The following LPP variants were observed in gnomAD, a reference collection of about 807,000 sequenced individuals.
LPP encodes LIM domain containing preferred translocation partner in lipoma.
A neutral mutation model predicts 60.4 loss-of-function variants in LPP; 38 were observed. The ratio of observed to expected loss-of-function variants is 0.63; its 90% CI spans 0.49 to 0.83. LPP has a LOEUF of 0.83. Ranked by LOEUF, LPP falls within the 40% of genes least tolerant of loss-of-function variation. The pLI is 0.00. For missense variants in LPP, 902 were observed against 783.6 expected, an observed-to-expected ratio of 1.15 and a Z score of -1.80; for synonymous variants, 328 against 290.8, an observed-to-expected ratio of 1.13 and a Z score of -1.30.
intron 5 of LPP, among the ~76,000 whole-genome samples, chr3:188,506,030 A>G (rs948641518): frequency 6.6e-6 from 1 of 151,946 alleles, no homozygotes; most frequent in Admixed American, 6.6e-5. Flanking sequence ...TGCCAAGCCA[A>G]TTTTTCTTGT....
At position 188,225,830 on chromosome 3, in the gene LPP, T is replaced by C. The variant is rs6794415; in HGVS notation, c.-67+303T>C. Among the ~76,000 whole-genome samples, 666 of 152,274 alleles carry C rather than the reference T, an allele frequency of 4.4e-3. 7 individuals carry two copies. The highest frequency in any genetic ancestry group is 0.015 in the African/African-American group (630 of 41,556). On this transcript the variant is annotated intron_variant, in intron 2 of 11. Transcript: ENST00000617246. ...AACGATGATTTCAGGTTGCCAGCAA[T>C]TGTATTGCCTCCTTCTTTCTCATTT...
intron 1 of LPP, among the ~76,000 whole-genome samples, chr3:188,163,962 A>AG (rs1401391564): frequency 2.6e-5 from 4 of 151,930 alleles, no homozygotes; most frequent in African/African-American, 9.7e-5. Context: ...AAAAAAAAAA[A>AG]AAAAAGTCTG....
chr3:188,291,390 A>G (rs1343888655), intron 2 of LPP, among the ~76,000 whole-genome samples: 2 of 152,182 alleles, frequency 1.3e-5, no homozygotes, highest in Admixed American at 6.5e-5. Context: ...CTGTAATCCC[A>G]GCACTTTGGC....
At chr3:188,805,595 A>T (rs1050298106) in intron 9 of LPP, among the ~76,000 whole-genome samples, 6 of 151,400 alleles carry the variant, frequency 4.0e-5, no homozygotes, top group Admixed American at 1.3e-4. Flanking sequence ...GCTCTCAATT[A>T]TATTGACTTC....
chr3:188,758,375 G>A (rs1474479538), intron 8 of LPP, among the ~76,000 whole-genome samples: 1 of 152,058 alleles, frequency 6.6e-6, no homozygotes, highest in African/African-American at 2.4e-5. Context: ...TGACCAGGCT[G>A]GTCTTGAACT....
At chr3:188,179,345 T>C (rs771792395) in intron 1 of LPP, 5 of 458,206 alleles carry the variant, frequency 1.1e-5, no homozygotes, top group South Asian at 7.7e-5. Context: ...TGCGGCCTCC[T>C]CCTAGGCCCC....
intron 9 of LPP, among the ~76,000 whole-genome samples, chr3:188,862,712 C>CAAAAAAAAAAAAAAAAAAAAAAAAAAAAA (rs140751676): frequency 1.3e-4 from 7 of 55,696 alleles, no homozygotes; most frequent in Non-Finnish European, 1.4e-4. Flanking sequence ...CCCTACTAGA[C>CAAAAAAAAAAAAAAAAAAAAAAAAAAAAA]AAAAAAATAA....
chr3:188,220,971 G>A (rs1295864236), intron 1 of LPP, among the ~76,000 whole-genome samples: 1 of 152,144 alleles, frequency 6.6e-6, no homozygotes, highest in Non-Finnish European at 1.5e-5. Flanking sequence ...TTCTTAAAGG[G>A]ATAGGGCTAC....
At chr3:188,357,529 A>G (rs931114978) in intron 3 of LPP, among the ~76,000 whole-genome samples, 8 of 152,192 alleles carry the variant, frequency 5.3e-5, no homozygotes, top group Non-Finnish European at 1.5e-5. Flanking sequence ...TTTAAGTCAC[A>G]TGTCAGCCAC....
intron 9 of LPP, among the ~76,000 whole-genome samples, chr3:188,844,324 T>C (rs1315708689): frequency 2.6e-5 from 4 of 152,202 alleles, no homozygotes; most frequent in Non-Finnish European, 5.9e-5. Context: ...GCAATGTCTG[T>C]TTTACTTTAG....
intron 6 of LPP, among the ~76,000 whole-genome samples, chr3:188,578,156 G>T: frequency 6.6e-6 from 1 of 152,160 alleles, no homozygotes; most frequent in African/African-American, 2.4e-5. Flanking sequence ...AAGAGAGAGA[G>T]CATTTACACA....
At chr3:188,814,269 A>T (rs1751880109) in intron 9 of LPP, among the ~76,000 whole-genome samples, 1 of 152,166 alleles carries the variant, frequency 6.6e-6, no homozygotes, top group Non-Finnish European at 1.5e-5. Context: ...ATACACTAAG[A>T]CAGTATGCAT....
At chr3:188,403,975 G>A (rs185826988) in intron 3 of LPP, among the ~76,000 whole-genome samples, 86 of 152,256 alleles carry the variant, frequency 5.6e-4, no homozygotes, top group African/African-American at 1.9e-3. Context: ...AGAGTGAAAA[G>A]CCAGTACCAT....
At chr3:188,657,243 A>C (rs1853418066) in intron 7 of LPP, among the ~76,000 whole-genome samples, 2 of 41,696 alleles carry the variant, frequency 4.8e-5, no homozygotes, top group South Asian at 1.1e-3. Flanking sequence ...ATAAGTTTTC[A>C]AGAGCTGTCA....
At chr3:188,586,141 T>A (rs571542450) in intron 6 of LPP, among the ~76,000 whole-genome samples, 96 of 152,326 alleles carry the variant, frequency 6.3e-4, no homozygotes, top group African/African-American at 2.3e-3. Context: ...AGGAAAAAAA[T>A]ATTCTTTTGT....
chr3:188,723,374 G>A (rs144523539), intron 8 of LPP, among the ~76,000 whole-genome samples: 9 of 152,244 alleles, frequency 5.9e-5, no homozygotes, highest in South Asian at 4.1e-4. Flanking sequence ...AAATTGTCTC[G>A]TTCTGCCTTG....
At chr3:188,561,245 T>C (rs146177857) in intron 6 of LPP, among the ~76,000 whole-genome samples, 2 of 152,232 alleles carry the variant, frequency 1.3e-5, no homozygotes, top group African/African-American at 4.8e-5. Context: ...AAATTTACCA[T>C]TGCCATTGGC....
chr3:188,351,962 T>C (rs555919130), intron 3 of LPP, among the ~76,000 whole-genome samples: 37 of 152,354 alleles, frequency 2.4e-4, no homozygotes, highest in Admixed American at 2.2e-3. Flanking sequence ...CTTGAGTGTC[T>C]GTAGCATTGG....
At chr3:188,496,747 T>G (rs1810349658) in intron 5 of LPP, among the ~76,000 whole-genome samples, 1 of 152,228 alleles carries the variant, frequency 6.6e-6, no homozygotes, top group African/African-American at 2.4e-5. Flanking sequence ...TTATTTGCTG[T>G]CACCAGTTCT....
Sources: gnomAD v4.1 joint callset for allele counts (sites outside exome capture counted in the v4.1 genomes callset) on GRCh38, gnomAD v4.1.1 for gene constraint, MANE v1.5 for transcripts, NCBI Gene and HGNC (gene_info 2026-07-23, HGNC 2026-07-21) for gene names.